Variants in DLGAP1 observed in about 807,000 individuals in gnomAD.
DLGAP1 encodes the protein DLG associated protein 1, also known as disks large-associated protein 1.
Under a neutral mutation model 90.8 loss-of-function variants are expected in DLGAP1, and 11 were observed. The ratio of observed to expected loss-of-function variants is 0.12; its 90% CI spans 0.08 to 0.20. The LOEUF is 0.20. DLGAP1 is among the 10% of genes least tolerant of loss of function. The pLI, the probability that DLGAP1 is intolerant of heterozygous loss-of-function variation, is 1.00. For synonymous variants in DLGAP1, 558 were observed against 540.7 expected, an observed-to-expected ratio of 1.03 and a Z score of -0.44; for missense variants, 1,050 against 1,333.8, an observed-to-expected ratio of 0.79 and a Z score of 3.31.
chr18:3,830,979 C>A (rs2068001643), intron 4 of DLGAP1, among the ~76,000 whole-genome samples: 1 of 152,186 alleles, frequency 6.6e-6, no homozygotes, highest in Admixed American at 6.5e-5. Flanking sequence ...GTATGGACAC[C>A]TTTCATCCCA....
chr18:4,308,055 C>T (rs115285511), intron 1 of DLGAP1, among the ~76,000 whole-genome samples: 1 of 152,080 alleles, frequency 6.6e-6, no homozygotes, highest in African/African-American at 2.4e-5. Flanking sequence ...ACACTTCACA[C>T]CTGTCATCCC....
chr18:3,737,905 T>A (rs1249856308), intron 6 of DLGAP1, among the ~76,000 whole-genome samples: 2 of 150,320 alleles, frequency 1.3e-5, no homozygotes, highest in Admixed American at 1.3e-4. Context: ...CTCCTTAAGC[T>A]GATAAGCAAC....
At chr18:3,613,878 T>C (rs550588252) in intron 7 of DLGAP1, among the ~76,000 whole-genome samples, 3 of 152,192 alleles carry the variant, frequency 2.0e-5, no homozygotes, top group South Asian at 2.1e-4. Flanking sequence ...CAAAGTGCTA[T>C]GCAGATGCTA....
chr18:3,570,435 T>C (rs185529960), intron 8 of DLGAP1, among the ~76,000 whole-genome samples: 46 of 151,890 alleles, frequency 3.0e-4, no homozygotes, highest in African/African-American at 9.4e-4. Flanking sequence ...TGTGCCACCA[T>C]GCCTGGCTAA....
At chr18:4,135,193 G>T (rs1021454190) in intron 2 of DLGAP1, among the ~76,000 whole-genome samples, 9 of 152,112 alleles carry the variant, frequency 5.9e-5, no homozygotes, top group African/African-American at 2.2e-4. Flanking sequence ...TTTCATAGAT[G>T]ACTCCCAGGT....
At chr18:4,217,892 T>C (rs1423786379) in intron 1 of DLGAP1, among the ~76,000 whole-genome samples, 1 of 152,100 alleles carries the variant, frequency 6.6e-6, no homozygotes, top group Non-Finnish European at 1.5e-5. Context: ...AAAGGTTTTT[T>C]CTGAAAGTAG....
At chr18:3,537,806 C>T (rs925855301) in intron 9 of DLGAP1, among the ~76,000 whole-genome samples, 1 of 152,096 alleles carries the variant, frequency 6.6e-6, no homozygotes, top group African/African-American at 2.4e-5. Context: ...AATGTGTGTT[C>T]TGTGATTTCT....
intron 7 of DLGAP1, among the ~76,000 whole-genome samples, chr18:3,707,716 G>A (rs1228849841): frequency 6.6e-6 from 1 of 152,078 alleles, no homozygotes; most frequent in Admixed American, 6.6e-5. Context: ...TTCCTGCATT[G>A]GTGCTGCGTT....
At chr18:4,228,043 C>A (rs564504861) in intron 1 of DLGAP1, among the ~76,000 whole-genome samples, 1 of 150,728 alleles carries the variant, frequency 6.6e-6, no homozygotes, top group Non-Finnish European at 1.5e-5. Flanking sequence ...CACTGAAATT[C>A]AAATGATCAT....
At chr18:4,152,399 G>A (rs2076689701) in intron 1 of DLGAP1, among the ~76,000 whole-genome samples, 1 of 152,142 alleles carries the variant, frequency 6.6e-6, no homozygotes, top group Non-Finnish European at 1.5e-5. Context: ...TACAGAAGAG[G>A]AAGTAGATGT....
chr18:3,861,163 G>A (rs941918496), intron 4 of DLGAP1, among the ~76,000 whole-genome samples: 6 of 152,082 alleles, frequency 3.9e-5, no homozygotes, highest in African/African-American at 1.4e-4. Context: ...CGATTATTCA[G>A]GAAAAACTCC....
chr18:3,997,109 G>C (rs796844149), intron 3 of DLGAP1, among the ~76,000 whole-genome samples: 2 of 104,628 alleles, frequency 1.9e-5, no homozygotes, highest in Non-Finnish European at 3.8e-5. Flanking sequence ...CCATGCCTTC[G>C]AGAAACCTTT....
At position 3,527,410 on chromosome 18, in the gene DLGAP1, CTTTTTTTTT is replaced by C. The variant is rs3075071; in HGVS notation, c.2479+6775_2479+6783del. On this transcript the variant is annotated intron_variant, in intron 10 of 12. Coordinates refer to ENST00000315677, the MANE Select transcript of DLGAP1 (RefSeq NM_004746.4). ...GTGAGTAAACAGGTTATTTTCCAAA[CTTTTTTTTT>C]TTTTTTTTTTTTTGCCATGGATGCA... Among the ~76,000 whole-genome samples, 230 of 100,698 alleles carry C rather than the reference CTTTTTTTTT, an allele frequency of 2.3e-3. 1 individual carries two copies. The highest frequency in any genetic ancestry group is 7.9e-3 in the African/African-American group (212 of 26,830). The allele number at this position is 100,698 out of a possible 152,430, so 66.1% of individuals were successfully genotyped here.
intron 1 of DLGAP1, among the ~76,000 whole-genome samples, chr18:4,340,189 A>G (rs2081160582): frequency 6.6e-6 from 1 of 152,176 alleles, no homozygotes. Flanking sequence ...GACATATTAT[A>G]AAATAAGGGT....
At chr18:4,390,073 T>C (rs1345713469) in intron 1 of DLGAP1, among the ~76,000 whole-genome samples, 1 of 152,024 alleles carries the variant, frequency 6.6e-6, no homozygotes, top group African/African-American at 2.4e-5. Flanking sequence ...TACATTCTAA[T>C]AGTGTATTGT....
rs117282454 is a variant in DLGAP1, at chr18:4,371,213, C to G, written c.-267+83793G>C. Among the ~76,000 whole-genome samples the G allele has an allele frequency of 6.9e-3, 1,051 of 152,152 alleles. 9 individuals carry two copies. The highest frequency in any genetic ancestry group is 0.012 in the Non-Finnish European group (793 of 67,984). On this transcript the variant is annotated intron_variant, in intron 1 of 12. Transcript: ENST00000315677. ...CTCACGGAGTTTATAGTCTAGCCAACAAAACAGACAAATGAATATAAATAA... is the reference window on the plus strand; with the variant it reads ...CTCACGGAGTTTATAGTCTAGCCAAGAAAACAGACAAATGAATATAAATAA...
intron 3 of DLGAP1, among the ~76,000 whole-genome samples, chr18:3,981,330 C>G (rs1260515933): frequency 1.3e-5 from 2 of 152,230 alleles, no homozygotes; most frequent in Non-Finnish European, 2.9e-5. Flanking sequence ...GATTTGTGTG[C>G]CCACACGTGA....
At chr18:4,058,004 C>G (rs2075246953) in intron 2 of DLGAP1, among the ~76,000 whole-genome samples, 1 of 152,116 alleles carries the variant, frequency 6.6e-6, no homozygotes, top group Non-Finnish European at 1.5e-5. Flanking sequence ...AAGGAAGAAC[C>G]CTGGAGTCTG....
chr18:4,089,839 A>C (rs1222376120), intron 2 of DLGAP1, among the ~76,000 whole-genome samples: 1 of 152,110 alleles, frequency 6.6e-6, no homozygotes, highest in Non-Finnish European at 1.5e-5. Context: ...AGGTCAGGAG[A>C]TCGAGACCAT....
Sources: allele counts gnomAD v4.1 joint callset (sites outside exome capture counted in the v4.1 genomes callset), GRCh38; gene constraint gnomAD v4.1.1; transcripts MANE v1.5; gene names NCBI Gene and HGNC (gene_info 2026-07-23, HGNC 2026-07-21).